The following MPV17 variants were observed in gnomAD, a reference collection of about 807,000 sequenced individuals.
The protein encoded by MPV17 is MPV17, mitochondrial inner membrane protein.
In MPV17, 31 loss-of-function variants were observed where a neutral mutation model predicts 28.6. That is an observed-to-expected ratio of 1.08 (90% confidence interval 0.81 to 1.46). The LOEUF (loss-of-function observed/expected upper bound fraction) is 1.46, where lower values mean the gene tolerates loss of function less well. MPV17 is among the 40% of genes most tolerant of loss of function. The pLI, the probability that MPV17 is intolerant of heterozygous loss-of-function variation, is 0.00. For missense variants in MPV17, 198 were observed against 216.2 expected (o/e 0.92, Z 0.53); for synonymous variants, 87 against 85.3 (o/e 1.02, Z -0.11).
chr2:27,312,593 G>T lies in MPV17; in HGVS notation c.280-4C>A. On this transcript the variant is annotated splice_polypyrimidine_tract_variant and splice_region_variant and intron_variant, in intron 4 of 7. Coordinates refer to ENST00000380044, the MANE Select transcript of MPV17 (RefSeq NM_002437.5). ...GAAAACACGGGGCAAAGCCCCCCTA[G>T]GGAAGAGAAATTAAAGTCCTATGAG... 1.2e-6 allele frequency: 2 copies of T among 1,613,980 alleles called. No homozygotes were observed. The highest frequency in any genetic ancestry group is 1.7e-6 in the Non-Finnish European group (2 of 1,179,872).
At chr2:27,311,732 G>A in intron 7 of MPV17, 167 bp downstream of exon 7, 1 of 1,553,004 alleles carries the variant, frequency 6.4e-7, no homozygotes, top group Non-Finnish European at 8.7e-7. Flanking sequence ...TTCCGGAAAT[G>A]GCAAGACATT....
At chr2:27,314,525 C>T (rs1176140313) in intron 2 of MPV17, among the ~76,000 whole-genome samples, 1 of 152,228 alleles carries the variant, frequency 6.6e-6, no homozygotes, top group Non-Finnish European at 1.5e-5. Flanking sequence ...GGACTCTGCA[C>T]CTGCTTCCCT....
At chr2:27,316,239 G>T in intron 2 of MPV17, 1 of 1,544,888 alleles carries the variant, frequency 6.5e-7, no homozygotes, top group Non-Finnish European at 8.8e-7. Flanking sequence ...CTTGCCAACA[G>T]TCACACAACA....
intron 2 of MPV17, among the ~76,000 whole-genome samples, chr2:27,318,133 A>G (rs1679724236): frequency 6.6e-6 from 1 of 151,344 alleles, no homozygotes; most frequent in Admixed American, 6.6e-5. Context: ...CAGTGGCACA[A>G]TCTCAGCTCA....
intron 2 of MPV17, among the ~76,000 whole-genome samples, chr2:27,320,642 C>A (rs1332162830): frequency 6.6e-6 from 1 of 152,282 alleles, no homozygotes; most frequent in East Asian, 1.9e-4. Flanking sequence ...TCCCTAAACT[C>A]AAGTTTTAAA....
chr2:27,315,542 C>A (rs1679617761), intron 2 of MPV17, among the ~76,000 whole-genome samples: 1 of 152,220 alleles, frequency 6.6e-6, no homozygotes, highest in African/African-American at 2.4e-5. Context: ...GTGGTCACAC[C>A]TCCATTCATC....
At chr2:27,321,540 A>G (rs1426067751) in intron 2 of MPV17, among the ~76,000 whole-genome samples, 1 of 152,196 alleles carries the variant, frequency 6.6e-6, no homozygotes, top group Non-Finnish European at 1.5e-5. Context: ...TTCTCTAAAC[A>G]TGGGCAAGAC....
rs35759430 is a variant in MPV17 at position 27,312,720 on chromosome 2, G to A, written c.239C>T (p.Thr80Ile). 276 of 1,614,204 alleles carry A rather than the reference G, an allele frequency of 1.7e-4. No individual in the cohort carries two copies. In the African/African-American group the frequency reaches 3.5e-3, roughly 21 times the overall value. The change falls in exon 4 of 8, where the codon ACC (threonine) becomes ATC (isoleucine). Residue 80 changes from threonine to isoleucine, a missense_variant. By Grantham distance (89) the Thr-to-Ile change is moderately conservative. Transcript: ENST00000380044. ...CTTCTTCAGTGCATCCACTTTGGTG[G>A]TGCCAGGGATGAACCGATCCAAAAC... ...YKVLDRFIPG[T>I]TKVDALKKML...
chr2:27,319,061 A>G (rs914791399), intron 2 of MPV17, among the ~76,000 whole-genome samples: 6 of 152,172 alleles, frequency 3.9e-5, no homozygotes, highest in African/African-American at 1.4e-4. Context: ...CACCACGCCC[A>G]GACACTTTAA....
intron 2 of MPV17, 28 bp downstream of exon 2, chr2:27,322,420 C>T: frequency 6.2e-7 from 1 of 1,600,276 alleles, no homozygotes; most frequent in Non-Finnish European, 8.6e-7. Context: ...CTGCCCTGGT[C>T]CCACTCAAGT....
At chr2:27,314,893 C>T (rs375917035) in intron 2 of MPV17, among the ~76,000 whole-genome samples, 13 of 152,226 alleles carry the variant, frequency 8.5e-5, no homozygotes, top group South Asian at 8.3e-4. Flanking sequence ...ACCCTCTGCC[C>T]GGCCGGCCCT....
rs1270433876 is a variant in MPV17, at chr2:27,317,711, G to A, written c.71-4602C>T. ...GCTCAGCTGCTCCCACAGCAGGACCGAGTAGACTAAGATGGATGAAGCTCG... is the reference window on the plus strand; with the variant it reads ...GCTCAGCTGCTCCCACAGCAGGACCAAGTAGACTAAGATGGATGAAGCTCG... On this transcript the variant is annotated intron_variant, in intron 2 of 7. Coordinates refer to ENST00000380044, the MANE Select transcript of MPV17 (RefSeq NM_002437.5). The surrounding 1 kb of genome is among the most constrained non-coding windows in gnomAD (Gnocchi z 4.0). Among the ~76,000 whole-genome samples, 1 of 152,190 alleles carries A rather than the reference G, an allele frequency of 6.6e-6. No individual in the cohort carries two copies. The highest frequency in any genetic ancestry group is 1.5e-5 in the Non-Finnish European group (1 of 68,044).
chr2:27,316,939 G>T, intron 2 of MPV17: 1 of 794,910 alleles, frequency 1.3e-6, no homozygotes, highest in Non-Finnish European at 2.0e-6. Flanking sequence ...AGCGGCCAGG[G>T]GGAAGGGAGC....
At position 27,315,827 on chromosome 2, in the gene MPV17, G is replaced by A. The variant is rs964806286; in HGVS notation, c.71-2718C>T. 18 of 1,147,710 alleles carry A rather than the reference G, an allele frequency of 1.6e-5. No homozygotes were observed. The African/African-American group carries it at 2.7e-4, about 17-fold the overall frequency. 71.1% of individuals were successfully genotyped at this position (1,147,710 alleles called of 1,614,324 possible). Reference sequence around the variant, plus strand: ...TCCACCTGCCTTGGCCGCCCAAAGTGTTGGGATTATAGGTGTGAGCCACGG... The same window carrying A: ...TCCACCTGCCTTGGCCGCCCAAAGTATTGGGATTATAGGTGTGAGCCACGG... On this transcript the variant is annotated intron_variant, in intron 2 of 7. Coordinates refer to ENST00000380044, the MANE Select transcript of MPV17 (RefSeq NM_002437.5).
intron 5 of MPV17, 29 bp from the exon 6 acceptor site, chr2:27,312,275 C>T: frequency 2.5e-6 from 4 of 1,613,188 alleles, no homozygotes; most frequent in East Asian, 2.2e-5. Flanking sequence ...AACAAATTAA[C>T]ACTTGCGCCT....
At chr2:27,311,556 CT>C in intron 7 of MPV17, 1 of 1,545,930 alleles carries the variant, frequency 6.5e-7, no homozygotes, top group Admixed American at 2.0e-5. Flanking sequence ...CCTACTTGGC[CT>C]TCTGGTCTAC....
At position 27,312,736 on chromosome 2, in the gene MPV17, G is replaced by T; in HGVS notation, c.223C>A (p.Arg75=). 6.2e-7 allele frequency: 1 copy of T among 1,614,148 alleles called. No individual in the cohort carries two copies. The highest frequency in any genetic ancestry group is 8.5e-7 in the Non-Finnish European group (1 of 1,180,044). ...ACTTTGGTGGTGCCAGGGATGAACC[G>T]ATCCAAAACCTTGTACCAGCCTCCT... is the stretch of plus-strand genomic sequence containing the variant. The part of the protein sequence containing the change: ...VVGGWYKVLD[R]FIPGTTKVDA... The change falls in exon 4 of 8, where the codon CGG becomes AGG. Residue 75 remains arginine, a synonymous_variant. Coordinates refer to ENST00000380044, the MANE Select transcript of MPV17 (RefSeq NM_002437.5).
intron 2 of MPV17, 85 bp downstream of exon 2, chr2:27,322,363 G>T (rs1679891341): frequency 9.0e-7 from 1 of 1,107,708 alleles, no homozygotes; most frequent in South Asian, 1.2e-5. Flanking sequence ...ATAGAAACAG[G>T]AAGTGAGGGT....
At chr2:27,314,548 A>G (rs1327463389) in intron 2 of MPV17, among the ~76,000 whole-genome samples, 7 of 152,160 alleles carry the variant, frequency 4.6e-5, no homozygotes. Flanking sequence ...CCCCAACTGC[A>G]CAGATACCCA....
Sources: gnomAD v4.1 joint callset for allele counts (sites outside exome capture counted in the v4.1 genomes callset) on GRCh38, gnomAD v4.1.1 for gene constraint, Gnocchi (gnomAD v3.1) non-coding constraint, MANE v1.5 for transcripts, NCBI Gene and HGNC (gene_info 2026-07-23, HGNC 2026-07-21) for gene names.